PGA5: variants seen among roughly 807,000 people sequenced by gnomAD.
PGA5 encodes pepsin A-5.
In PGA5, 19 loss-of-function variants were observed where a neutral mutation model predicts 15.9. The ratio of observed to expected loss-of-function variants is 1.19; its 90% CI spans 0.83 to 1.75. The LOEUF (loss-of-function observed/expected upper bound fraction) is 1.75. Among genes scored for constraint, PGA5 ranks in the 40% most tolerant of loss-of-function variants. PGA5 has a pLI of 0.00. For missense variants in PGA5, 224 were observed against 246.4 expected (o/e 0.91, Z 0.61); for synonymous variants, 92 against 95.8 (o/e 0.96, Z 0.23).
At position 61,251,331 on chromosome 11, in the gene PGA5, G is replaced by C. The variant is rs766161290; in HGVS notation, c.*50G>C. ...CAGGAAGATCTGGCCTCCGTCCTAT[G>C]CCCACTTTAGATGTATCTAATTCTC... is the stretch of plus-strand genomic sequence containing the variant. On this transcript the variant is annotated 3_prime_UTR_variant, in exon 9 of 9. Coordinates refer to ENST00000312403, the MANE Select transcript of PGA5 (RefSeq NM_014224.5). The C allele has an allele frequency of 5.0e-6, 8 of 1,611,604 alleles. No homozygotes were observed. The highest frequency in any genetic ancestry group is 6.8e-6 in the Non-Finnish European group (8 of 1,179,786).
rs762485543 is a variant in PGA5 at position 61,249,997 on chromosome 11, A to G, written c.1000A>G (p.Ser334Gly). 2 of 1,610,656 alleles carry G rather than the reference A, an allele frequency of 1.2e-6. No homozygotes were observed. The highest frequency in any genetic ancestry group is 1.1e-5 in the South Asian group (1 of 90,746). ...INGVQYPVPP[S>G]AYILQSEGSC... Reference sequence around the variant, plus strand: ...TGGAGTCCAGTACCCCGTGCCACCCAGTGCCTACATCCTGCAGGTGAGGAG... The same window carrying G: ...TGGAGTCCAGTACCCCGTGCCACCCGGTGCCTACATCCTGCAGGTGAGGAG... Residue 334 changes from serine (S) to glycine (G), a missense_variant, in exon 8 of 9, where the codon AGT becomes GGT. By Grantham distance (56) the Ser-to-Gly change is moderately conservative. Transcript: ENST00000312403.
intron 6 of PGA5, 36 bp from the exon 7 acceptor site, chr11:61,249,633 A>C (rs1233697627): frequency 1.2e-6 from 2 of 1,613,630 alleles, no homozygotes; most frequent in East Asian, 4.5e-5. Context: ...TGAACCCCTG[A>C]GGGCTCAGGG....
chr11:61,247,110 C>T (rs967192705), intron 5 of PGA5, among the ~76,000 whole-genome samples: 3 of 151,964 alleles, frequency 2.0e-5, no homozygotes, highest in Non-Finnish European at 4.4e-5. Flanking sequence ...TCACCTACAT[C>T]GTCCTCTCTT....
At chr11:61,246,190 G>T (rs1313655024) in intron 5 of PGA5, 45 bp downstream of exon 5, 1 of 315,720 alleles carries the variant, frequency 3.2e-6, no homozygotes, top group Non-Finnish European at 5.9e-6. Context: ...CCCCTCCAGA[G>T]GTCACAGTGT....
At chr11:61,246,484 G>A (rs538718530) in intron 5 of PGA5, among the ~76,000 whole-genome samples, 14 of 151,850 alleles carry the variant, frequency 9.2e-5, no homozygotes, top group Admixed American at 3.9e-4. Flanking sequence ...AGCCAGGCAT[G>A]GTGTCTCATG....
intron 5 of PGA5, chr11:61,248,181 G>A: frequency 5.5e-6 from 5 of 905,082 alleles, no homozygotes; most frequent in Non-Finnish European, 9.2e-6. Flanking sequence ...CCCGCTGTGT[G>A]ACCTTGGGCA....
chr11:61,246,721 AC>A (rs1323920646), intron 5 of PGA5, among the ~76,000 whole-genome samples: 5 of 151,740 alleles, frequency 3.3e-5, no homozygotes, highest in Non-Finnish European at 5.9e-5. Context: ...CAAAGATTGT[AC>A]CACTGCATCC....
chr11:61,249,945 C>T lies in PGA5; in HGVS notation c.948C>T (p.Ser316=), dbSNP rs760085536. The T allele has an allele frequency of 8.7e-6, 14 of 1,613,206 alleles. No individual in the cohort carries two copies. The highest frequency in any genetic ancestry group is 2.2e-5 in the South Asian group (2 of 91,056). The change falls in exon 8 of 9, where the codon AGC becomes AGT. Residue 316 remains serine, a synonymous_variant. Transcript: ENST00000312403. ...DMVVSCSAIS[S]LPDIVFTING... is the part of the protein sequence containing the mutation. ...TGGTCAGCTGCTCAGCCATCAGCAG[C>T]CTGCCCGACATCGTCTTCACCATCA... is the stretch of plus-strand genomic sequence containing the variant.
In PGA5 at chr11:61,248,020, C is replaced by T. The variant is rs887268801; in HGVS notation, c.657-399C>T. ...GGCAAAACTGCTCCCAGCTAAGAACCAGTGACCTCCACCCTCAAGTCCTTA... is the reference window on the plus strand; with the variant it reads ...GGCAAAACTGCTCCCAGCTAAGAACTAGTGACCTCCACCCTCAAGTCCTTA... On this transcript the variant is annotated intron_variant, in intron 5 of 8. Transcript: ENST00000312403. 4 of 598,206 alleles carry T rather than the reference C, an allele frequency of 6.7e-6. No homozygotes were observed. In the South Asian group the frequency reaches 8.1e-5, roughly 12 times the overall value. 37.1% of individuals were successfully genotyped at this position (598,206 alleles called of 1,614,324 possible). A position where few individuals can be genotyped will look rare whatever the true frequency, so the allele number is the denominator to read the frequency against.
chr11:61,246,160 G>A lies in PGA5; in HGVS notation c.656+15G>A, dbSNP rs1277089862. The A allele has an allele frequency of 2.7e-6, 1 of 374,906 alleles. No individual in the cohort carries two copies. Among genetic ancestry groups the A allele is most frequent in the Non-Finnish European group, 4.8e-6 (1 of 208,528 alleles). The allele number at this position is 374,906 out of a possible 1,614,324, so 23.2% of individuals were successfully genotyped here. A position where few individuals can be genotyped will look rare whatever the true frequency, so the allele number is the denominator to read the frequency against. ...TACCTCAGCGCGTAAGTTGAGTGGA[G>A]AGGGGCCTCCTCCCACCTCCCCCTC... On this transcript the variant is annotated intron_variant, in intron 5 of 8. Coordinates refer to ENST00000312403, the MANE Select transcript of PGA5 (RefSeq NM_014224.5).
At chr11:61,250,334 C>G (rs553104018) in intron 8 of PGA5, among the ~76,000 whole-genome samples, 1 of 151,454 alleles carries the variant, frequency 6.6e-6, no homozygotes, top group African/African-American at 2.4e-5. Flanking sequence ...GCTCATCTCA[C>G]CCTCAGTTTT....
At position 61,251,323 on chromosome 11, in the gene PGA5, C is replaced by T. The variant is rs202130593; in HGVS notation, c.*42C>T. 5.5e-4 allele frequency: 889 copies of T among 1,610,876 alleles called. 8 individuals carry two copies. Among genetic ancestry groups the T allele is most frequent in the South Asian group, 3.7e-3 (337 of 90,594 alleles). ...CCACCTCCCAGGAAGATCTGGCCTC[C>T]GTCCTATGCCCACTTTAGATGTATC... On this transcript the variant is annotated 3_prime_UTR_variant, in exon 9 of 9. Coordinates refer to ENST00000312403, the MANE Select transcript of PGA5 (RefSeq NM_014224.5).
At chr11:61,250,600 T>G in intron 8 of PGA5, 1 of 454,572 alleles carries the variant, frequency 2.2e-6, no homozygotes. Flanking sequence ...ACTCAAGTTA[T>G]TCAACAAGAA....
chr11:61,251,338 T>G lies in PGA5; in HGVS notation c.*57T>G, dbSNP rs1029263505. 1.9e-6 allele frequency: 3 copies of G among 1,611,036 alleles called. No homozygotes were observed. The highest frequency in any genetic ancestry group is 2.5e-6 in the Non-Finnish European group (3 of 1,179,434). The stretch of plus-strand genomic sequence containing the variant: ...ATCTGGCCTCCGTCCTATGCCCACT[T>G]TAGATGTATCTAATTCTCCTGACTG... On this transcript the variant is annotated 3_prime_UTR_variant, in exon 9 of 9. Transcript: ENST00000312403.
At chr11:61,248,253 C>A in intron 5 of PGA5, 166 bp from the exon 6 acceptor site, 3 of 1,515,098 alleles carry the variant, frequency 2.0e-6, no homozygotes, top group Non-Finnish European at 2.8e-6. Flanking sequence ...AGTGACGGTG[C>A]CCACTGCATG....
intron 5 of PGA5, chr11:61,248,095 A>G: frequency 1.6e-6 from 1 of 639,456 alleles, no homozygotes. Context: ...CATGGCAACC[A>G]GAGTGGGTAC....
At position 61,249,802 on chromosome 11, in the gene PGA5, T is replaced by A; in HGVS notation, c.907T>A (p.Ser303Thr). ...IQSDIGASENSDGDMVVSCSA... is the reference protein window; with the variant it reads ...IQSDIGASENTDGDMVVSCSA... ...GAGCGACATCGGAGCCAGCGAGAAC[T>A]CAGATGGCGACGTGAGTCCAGCCCC... Residue 303 changes from serine to threonine, a missense_variant, in exon 7 of 9, where the codon TCA (serine) becomes ACA (threonine). Transcript: ENST00000312403. 1 of 1,613,582 alleles carries A rather than the reference T, an allele frequency of 6.2e-7. No individual in the cohort carries two copies. The highest frequency in any genetic ancestry group is 8.5e-7 in the Non-Finnish European group (1 of 1,179,834).
Position 61,246,153 on chromosome 11 carries a change from G to A in PGA5, c.656+8G>A, listed in dbSNP as rs1320483779. ...CTCTGTCTACCTCAGCGCGTAAGTT[G>A]AGTGGAGAGGGGCCTCCTCCCACCT... On this transcript the variant is annotated splice_region_variant and intron_variant, in intron 5 of 8. Coordinates refer to ENST00000312403, the MANE Select transcript of PGA5 (RefSeq NM_014224.5). 1.0e-5 allele frequency: 4 copies of A among 382,126 alleles called. No homozygotes were observed. Among genetic ancestry groups the A allele is most frequent in the Non-Finnish European group, 4.7e-6 (1 of 213,906 alleles). The allele number at this position is 382,126 out of a possible 1,614,324, so 23.7% of individuals were successfully genotyped here. A position where few individuals can be genotyped will look rare whatever the true frequency, so the allele number is the denominator to read the frequency against.
In PGA5 at chr11:61,251,251, C is replaced by G; in HGVS notation, c.1137C>G (p.Asn379Lys). Residue 379 changes from asparagine (N) to lysine (K), a missense_variant, in exon 9 of 9, where the codon AAC (asparagine) becomes AAG (lysine). By Grantham distance (94) the Asn-to-Lys change is moderately conservative (BLOSUM62 0). Transcript: ENST00000312403. The part of the protein sequence containing the change: ...RQYFTVFDRA[N>K]NQVGLAPVA ...ACTTTACCGTCTTCGACAGGGCAAA[C>G]AACCAGGTCGGCCTGGCCCCTGTGG... is the stretch of plus-strand genomic sequence containing the variant. 1 of 1,611,910 alleles carries G rather than the reference C, an allele frequency of 6.2e-7. No individual in the cohort carries two copies. Among genetic ancestry groups the G allele is most frequent in the Non-Finnish European group, 8.5e-7 (1 of 1,179,876 alleles).
Sources: gnomAD v4.1 joint callset for allele counts (sites outside exome capture counted in the v4.1 genomes callset) on GRCh38, gnomAD v4.1.1 for gene constraint, MANE v1.5 for transcripts, NCBI Gene and HGNC (gene_info 2026-07-23, HGNC 2026-07-21) for gene names.